The following CHMP4B variants were observed in gnomAD, a reference collection of about 807,000 sequenced individuals.
The protein encoded by CHMP4B is charged multivesicular body protein 4B.
A neutral mutation model predicts 25.1 loss-of-function variants in CHMP4B; 1 was observed. That is an observed-to-expected ratio of 0.04 (90% confidence interval 0.01 to 0.19). The LOEUF (loss-of-function observed/expected upper bound fraction) is 0.19. Ranked by LOEUF, CHMP4B falls within the 10% of genes least tolerant of loss-of-function variation. CHMP4B has a pLI of 1.00. For missense variants in CHMP4B, 151 were observed against 289.7 expected (o/e 0.52, Z 3.48); for synonymous variants, 101 against 115.6 (o/e 0.87, Z 0.81).
At chr20:33,821,696 A>G (rs188784889) in intron 1 of CHMP4B, among the ~76,000 whole-genome samples, 8 of 152,338 alleles carry the variant, frequency 5.3e-5, no homozygotes, top group Admixed American at 5.2e-4. Context: ...GGTGAGGTGT[A>G]AAGATAACTT....
rs1228348031 is a variant in CHMP4B, at chr20:33,853,708, TC to T, written c.*149del. The T allele has an allele frequency of 4.7e-6, 2 of 427,926 alleles. No homozygotes were observed. Among genetic ancestry groups the T allele is most frequent in the Non-Finnish European group, 9.1e-6 (2 of 220,014 alleles). The allele number at this position is 427,926 out of a possible 1,614,324, so 26.5% of individuals were successfully genotyped here. ...CAAAGCAGTAGGGCCGCGTTGCTGC[TC>T]ACTCTCTGCATAGCATGGTCTGCAC... On this transcript the variant is annotated 3_prime_UTR_variant, in exon 5 of 5. Transcript: ENST00000217402.
At chr20:33,818,881 ATG>A (rs1978855014) in intron 1 of CHMP4B, among the ~76,000 whole-genome samples, 1 of 150,776 alleles carries the variant, frequency 6.6e-6, no homozygotes, top group Non-Finnish European at 1.5e-5. Context: ...TCTCCTTTGG[ATG>A]TGCTCCTGTT....
intron 1 of CHMP4B, among the ~76,000 whole-genome samples, chr20:33,843,669 A>G (rs1306988772): frequency 6.6e-6 from 1 of 152,204 alleles, no homozygotes; most frequent in Non-Finnish European, 1.5e-5. Flanking sequence ...GCATGGAGGA[A>G]GTTTTACTAA....
intron 1 of CHMP4B, among the ~76,000 whole-genome samples, chr20:33,832,386 G>A (rs932440578): frequency 1.3e-5 from 2 of 152,182 alleles, no homozygotes; most frequent in Non-Finnish European, 1.5e-5. Context: ...CTGGGACCTG[G>A]CGGGTGGGGG....
intron 3 of CHMP4B, 122 bp from the exon 4 acceptor site, chr20:33,851,955 C>T (rs1019304589): frequency 1.3e-5 from 17 of 1,311,876 alleles, no homozygotes; most frequent in Non-Finnish European, 1.9e-5. Flanking sequence ...ACCTGGAATT[C>T]ACCTCCCCGC....
chr20:33,812,451 C>G (rs1422750027), intron 1 of CHMP4B, among the ~76,000 whole-genome samples: 1 of 152,192 alleles, frequency 6.6e-6, no homozygotes, highest in African/African-American at 2.4e-5. Context: ...TCCCCAGTCC[C>G]CACTACTAGG....
chr20:33,845,239 G>A (rs945405330), intron 1 of CHMP4B, among the ~76,000 whole-genome samples: 1 of 152,100 alleles, frequency 6.6e-6, no homozygotes, highest in African/African-American at 2.4e-5. Context: ...ATCTCTGGAT[G>A]ATTAAATGAA....
chr20:33,812,037 A>T (rs1028769402), intron 1 of CHMP4B, among the ~76,000 whole-genome samples: 12 of 151,206 alleles, frequency 7.9e-5, no homozygotes, highest in Admixed American at 7.2e-4. Context: ...CCCCCATCCT[A>T]GCATTTCTGT....
intron 1 of CHMP4B, among the ~76,000 whole-genome samples, chr20:33,826,545 A>G (rs1050387757): frequency 5.3e-5 from 8 of 152,156 alleles, no homozygotes; most frequent in Non-Finnish European, 1.5e-5. Context: ...ACCAGCAGCT[A>G]TCTCCCTACA....
chr20:33,851,376 A>G lies in CHMP4B; in HGVS notation c.483+310A>G, dbSNP rs912817248. On this transcript the variant is annotated intron_variant, in intron 3 of 4. Coordinates refer to ENST00000217402, the MANE Select transcript of CHMP4B (RefSeq NM_176812.5). ...ACAGAGCTGGGCAGCAGAGATGACC[A>G]TGCCCTGGAGAAGTTCACAGGATTT... Among the ~76,000 whole-genome samples, 8 of 152,212 alleles carry G rather than the reference A, an allele frequency of 5.3e-5. 1 individual carries two copies. Among genetic ancestry groups the G allele is most frequent in the Admixed American group, 2.6e-4 (4 of 15,280 alleles).
chr20:33,812,428 G>A (rs543272323), intron 1 of CHMP4B, among the ~76,000 whole-genome samples: 181 of 152,272 alleles, frequency 1.2e-3, no homozygotes, highest in African/African-American at 4.1e-3. Context: ...CAGAAATAGA[G>A]ACTCCCGACT....
chr20:33,848,394 GAA>G, intron 1 of CHMP4B, 71 bp from the exon 2 acceptor site: 1 of 1,502,070 alleles, frequency 6.7e-7, no homozygotes, highest in South Asian at 1.2e-5. Flanking sequence ...TAGAGTTGGG[GAA>G]AAGACTCAGT....
At chr20:33,840,022 T>C (rs572969137) in intron 1 of CHMP4B, among the ~76,000 whole-genome samples, 1 of 152,280 alleles carries the variant, frequency 6.6e-6, no homozygotes, top group African/African-American at 2.4e-5. Context: ...GCTGCTGTTA[T>C]ATATTAACTT....
At chr20:33,820,504 C>T (rs1244582072) in intron 1 of CHMP4B, among the ~76,000 whole-genome samples, 1 of 152,094 alleles carries the variant, frequency 6.6e-6, no homozygotes, top group Non-Finnish European at 1.5e-5. Flanking sequence ...AGATACTGTC[C>T]TAGTTGCTGA....
intron 1 of CHMP4B, among the ~76,000 whole-genome samples, chr20:33,841,011 C>T (rs1029831702): frequency 6.6e-6 from 1 of 152,208 alleles, no homozygotes; most frequent in African/African-American, 2.4e-5. Context: ...GCTTGTTTGA[C>T]TGCAGAGTGT....
At chr20:33,839,358 G>A (rs1296883228) in intron 1 of CHMP4B, among the ~76,000 whole-genome samples, 1 of 152,176 alleles carries the variant, frequency 6.6e-6, no homozygotes, top group African/African-American at 2.4e-5. Flanking sequence ...GTTCCACCCT[G>A]GAGGAGCTTA....
chr20:33,838,366 T>C (rs1979446276), intron 1 of CHMP4B, among the ~76,000 whole-genome samples: 1 of 152,102 alleles, frequency 6.6e-6, no homozygotes, highest in Non-Finnish European at 1.5e-5. Flanking sequence ...TGGTGGGCAG[T>C]GGTGGGCTCT....
intron 1 of CHMP4B, among the ~76,000 whole-genome samples, chr20:33,838,121 G>A (rs1979438717): frequency 6.6e-6 from 1 of 152,170 alleles, no homozygotes; most frequent in South Asian, 2.1e-4. Context: ...CTCCTGTTCG[G>A]GCACCTGGCT....
intron 1 of CHMP4B, among the ~76,000 whole-genome samples, chr20:33,813,662 G>T (rs760178126): frequency 2.6e-5 from 4 of 152,196 alleles, no homozygotes; most frequent in Non-Finnish European, 4.4e-5. Context: ...GAGGGTGTCA[G>T]TTTACCATTT....
Sources: gnomAD v4.1 joint callset for allele counts (sites outside exome capture counted in the v4.1 genomes callset) on GRCh38, gnomAD v4.1.1 for gene constraint, MANE v1.5 for transcripts, NCBI Gene and HGNC (gene_info 2026-07-23, HGNC 2026-07-21) for gene names.